The following CLHC1 variants were observed in gnomAD, a reference collection of about 807,000 sequenced individuals.
CLHC1 encodes the protein clathrin heavy chain linker domain containing 1.
A neutral mutation model predicts 69.5 loss-of-function variants in CLHC1; 72 were observed. The ratio of observed to expected loss-of-function variants is 1.04; its 90% CI spans 0.86 to 1.26. CLHC1 has a LOEUF of 1.26. Among genes scored for constraint, CLHC1 ranks in the 50% most tolerant of loss-of-function variants. CLHC1 has a pLI of 0.00. For missense variants in CLHC1, 790 were observed against 679.3 expected (o/e 1.16, Z -1.81); for synonymous variants, 223 against 224.3 (o/e 0.99, Z 0.05).
chr2:55,222,239 T>C lies in CLHC1; in HGVS notation c.173A>G (p.Asp58Gly). ...EYYIIYRNVF[D>G]KVIEHITAYK... ...GTCTTAAAAGCTTTATGATACCTTA[T>C]CAAAAACATTTCGGTATATGATGTA... Residue 58 changes from aspartate (D) to glycine (G), a missense_variant, in exon 3 of 13, where the codon GAT (aspartate) becomes GGT (glycine). Transcript: ENST00000401408. 6.2e-7 allele frequency: 1 copy of C among 1,610,356 alleles called. No individual in the cohort carries two copies. Among genetic ancestry groups the C allele is most frequent in the East Asian group, 2.2e-5 (1 of 44,810 alleles).
Position 55,222,458 on chromosome 2 carries a change from A to T in CLHC1, c.-47T>A. The T allele has an allele frequency of 6.7e-7, 1 of 1,484,530 alleles. No individual in the cohort carries two copies. Among genetic ancestry groups the T allele is most frequent in the Non-Finnish European group, 9.1e-7 (1 of 1,095,248 alleles). 92.0% of individuals were successfully genotyped at this position (1,484,530 alleles called of 1,614,324 possible). A position where few individuals can be genotyped will look rare whatever the true frequency, so the allele number is the denominator to read the frequency against. On this transcript the variant is annotated 5_prime_UTR_variant, in exon 3 of 13. Coordinates refer to ENST00000401408, the MANE Select transcript of CLHC1 (RefSeq NM_152385.4). ...TTCACTGAAGAACAGCTAAATCTTG[A>T]CCTGCTCTTGCAACAAAGCCAAAAC...
At chr2:55,227,781 A>T (rs1674858805) in intron 2 of CLHC1, among the ~76,000 whole-genome samples, 1 of 151,978 alleles carries the variant, frequency 6.6e-6, no homozygotes, top group African/African-American at 2.4e-5. Flanking sequence ...TTCCTACCGT[A>T]TTACCCTTAG....
intron 4 of CLHC1, chr2:55,215,264 T>C (rs1673388109): frequency 6.6e-6 from 1 of 152,150 alleles, no homozygotes; most frequent in South Asian, 2.1e-4. Flanking sequence ...AAAGTCAAAA[T>C]CAGGGCAAAA....
intron 3 of CLHC1, among the ~76,000 whole-genome samples, chr2:55,220,763 C>G (rs1160626769): frequency 1.3e-5 from 2 of 152,166 alleles, no homozygotes; most frequent in Non-Finnish European, 2.9e-5. Context: ...TTGCTAATTT[C>G]ACACAGTAGA....
intron 9 of CLHC1, among the ~76,000 whole-genome samples, chr2:55,194,991 A>G (rs1368396628): frequency 4.0e-5 from 6 of 151,640 alleles, no homozygotes; most frequent in African/African-American, 7.3e-5. Context: ...ATCATAGCTC[A>G]CTGCAGCCTC....
At chr2:55,209,952 A>C (rs1381058714) in intron 5 of CLHC1, 121 bp from the exon 6 acceptor site, 2 of 619,776 alleles carry the variant, frequency 3.2e-6, no homozygotes, top group Non-Finnish European at 5.6e-6. Flanking sequence ...GATAGTATGT[A>C]CTTATAGCTT....
At chr2:55,222,131 G>T in intron 3 of CLHC1, 104 bp downstream of exon 3, 1 of 772,732 alleles carries the variant, frequency 1.3e-6, no homozygotes, top group Non-Finnish European at 2.1e-6. Context: ...CAAATGGAAT[G>T]TTATCATTCA....
chr2:55,207,786 A>G (rs1013748989), intron 8 of CLHC1, among the ~76,000 whole-genome samples: 1 of 152,198 alleles, frequency 6.6e-6, no homozygotes, highest in Non-Finnish European at 1.5e-5. Flanking sequence ...GTCAACTGTA[A>G]CAAACTTCTA....
chr2:55,224,188 T>C, intron 2 of CLHC1: 1 of 263,368 alleles, frequency 3.8e-6, no homozygotes, highest in South Asian at 3.5e-5. Flanking sequence ...GATACGCCCT[T>C]ACACACAAGG....
Position 55,209,834 on chromosome 2 carries a change from A to G in CLHC1, c.500-3T>C, listed in dbSNP as rs767151336. The G allele has an allele frequency of 3.8e-6, 6 of 1,593,504 alleles. No homozygotes were observed. Among genetic ancestry groups the G allele is most frequent in the Non-Finnish European group, 5.1e-6 (6 of 1,165,184 alleles). On this transcript the variant is annotated splice_region_variant and splice_polypyrimidine_tract_variant and intron_variant, in intron 5 of 12. Transcript: ENST00000401408. ...CATGGATTCTTGAAGAGTCATGCCTATGGGGAAAGGGAACAAATCAAACAC... is the reference window on the plus strand; with the variant it reads ...CATGGATTCTTGAAGAGTCATGCCTGTGGGGAAAGGGAACAAATCAAACAC...
At chr2:55,210,627 A>G (rs1173237932) in intron 5 of CLHC1, among the ~76,000 whole-genome samples, 2 of 152,184 alleles carry the variant, frequency 1.3e-5, no homozygotes, top group Admixed American at 6.5e-5. Flanking sequence ...TATCACTGTT[A>G]CTCAGTAACG....
chr2:55,189,174 G>A (rs1303882486), intron 9 of CLHC1, among the ~76,000 whole-genome samples: 5 of 151,996 alleles, frequency 3.3e-5, no homozygotes, highest in Non-Finnish European at 5.9e-5. Flanking sequence ...ACAAAGAAGT[G>A]TAGCCAAAAA....
chr2:55,196,914 C>A (rs1005634010), intron 9 of CLHC1, among the ~76,000 whole-genome samples: 1 of 152,220 alleles, frequency 6.6e-6, no homozygotes, highest in South Asian at 2.1e-4. Context: ...AATTCCAGCA[C>A]TTCGTTCTTG....
At chr2:55,187,890 T>C (rs949223368) in intron 9 of CLHC1, among the ~76,000 whole-genome samples, 3 of 152,182 alleles carry the variant, frequency 2.0e-5, no homozygotes, top group Non-Finnish European at 2.9e-5. Flanking sequence ...TAACTCATTT[T>C]AATTAACAAA....
chr2:55,224,393 G>C (rs1674488676), intron 2 of CLHC1: 3 of 438,302 alleles, frequency 6.8e-6, no homozygotes, highest in Non-Finnish European at 1.4e-5. Context: ...CCAGTGGATG[G>C]TCCTCCTGGA....
At chr2:55,223,385 G>A (rs544345429) in intron 2 of CLHC1, among the ~76,000 whole-genome samples, 3 of 152,114 alleles carry the variant, frequency 2.0e-5, no homozygotes, top group Admixed American at 2.0e-4. Context: ...TCAAGCAGCC[G>A]CATTATGCCG....
At chr2:55,220,428 A>G (rs955679645) in intron 3 of CLHC1, among the ~76,000 whole-genome samples, 1 of 152,194 alleles carries the variant, frequency 6.6e-6, no homozygotes, top group African/African-American at 2.4e-5. Context: ...GTACCAAATG[A>G]TTTCCATTTC....
At chr2:55,229,442 C>T (rs1675050371) in intron 1 of CLHC1, among the ~76,000 whole-genome samples, 1 of 151,964 alleles carries the variant, frequency 6.6e-6, no homozygotes, top group Non-Finnish European at 1.5e-5. Context: ...TGGGACAACA[C>T]ATTTGAGGAA....
chr2:55,213,873 A>C (rs1180549882), intron 4 of CLHC1, among the ~76,000 whole-genome samples: 1 of 152,220 alleles, frequency 6.6e-6, no homozygotes, highest in African/African-American at 2.4e-5. Context: ...GGGAAGTGGT[A>C]GCTAAGGAGC....
Sources: gnomAD v4.1 joint callset for allele counts (sites outside exome capture counted in the v4.1 genomes callset) on GRCh38, gnomAD v4.1.1 for gene constraint, MANE v1.5 for transcripts, NCBI Gene and HGNC (gene_info 2026-07-23, HGNC 2026-07-21) for gene names.